Variants in PLXDC2 observed in about 807,000 individuals in gnomAD.
PLXDC2 encodes plexin domain containing 2, also known as plexin domain-containing protein 2.
In PLXDC2, 40 loss-of-function variants were observed where a neutral mutation model predicts 68.9. The observed-to-expected ratio is 0.58, with a 90% confidence interval of 0.45 to 0.76. PLXDC2 has a LOEUF of 0.76. Among genes scored for constraint, PLXDC2 ranks in the 30% least tolerant of loss-of-function variants. The pLI, the probability that PLXDC2 is intolerant of heterozygous loss-of-function variation, is 0.00. For missense variants in PLXDC2, 644 were observed against 661.9 expected (o/e 0.97, Z 0.30); for synonymous variants, 243 against 234.2 (o/e 1.04, Z -0.34).
rs747835988 is a variant in PLXDC2 at position 20,284,312 on chromosome 10, C to CATATATATATATATATATATAT, written c.*4512_*4513insTATATATATATATATATATATA. ...GTGAGACCCATCTCTATCAAATATA[C>CATATATATATATATATATATAT]ATATATATATATATATATACACACA... On this transcript the variant is annotated 3_prime_UTR_variant, in exon 14 of 14. Transcript: ENST00000377252. 3.9e-4 allele frequency: 49 copies of CATATATATATATATATATATAT among 125,302 alleles called. No individual in the cohort carries two copies. The highest frequency in any genetic ancestry group is 4.0e-3 in the Middle Eastern group (1 of 252). 7.8% of individuals were successfully genotyped at this position (125,302 alleles called of 1,614,324 possible). A position where few individuals can be genotyped will look rare whatever the true frequency, so the allele number is the denominator to read the frequency against.
chr10:20,025,285 C>CA (rs1191332075), intron 2 of PLXDC2, among the ~76,000 whole-genome samples: 1 of 145,860 alleles, frequency 6.9e-6, no homozygotes. Context: ...TTTTTTTTGA[C>CA]AGAGTTTTGC....
intron 12 of PLXDC2, among the ~76,000 whole-genome samples, chr10:20,235,113 C>A (rs1480014186): frequency 6.6e-6 from 1 of 152,158 alleles, no homozygotes; most frequent in Non-Finnish European, 1.5e-5. Context: ...GTCCAAGCTA[C>A]CGTTTGGGAC....
At chr10:20,017,909 G>A (rs1269172510) in intron 2 of PLXDC2, among the ~76,000 whole-genome samples, 1 of 152,216 alleles carries the variant, frequency 6.6e-6, no homozygotes, top group African/African-American at 2.4e-5. Flanking sequence ...TCTGGATGCA[G>A]GAGAATAGTG....
chr10:19,837,964 A>G (rs1836830596), intron 1 of PLXDC2, among the ~76,000 whole-genome samples: 2 of 152,180 alleles, frequency 1.3e-5, no homozygotes, highest in African/African-American at 4.8e-5. Context: ...AACAAGAAGG[A>G]AAAAATAGTT....
intron 4 of PLXDC2, among the ~76,000 whole-genome samples, chr10:20,140,555 T>A (rs762018773): frequency 8.6e-5 from 13 of 152,024 alleles, no homozygotes; most frequent in Non-Finnish European, 1.5e-4. Context: ...TTGCATTAAT[T>A]TGCATAACTC....
At chr10:20,181,730 G>T (rs1442709060) in intron 9 of PLXDC2, among the ~76,000 whole-genome samples, 4 of 152,038 alleles carry the variant, frequency 2.6e-5, no homozygotes, top group Non-Finnish European at 4.4e-5. Flanking sequence ...GATAAGCTCA[G>T]AAAGCTACCC....
chr10:19,873,638 T>C (rs932699919), intron 1 of PLXDC2, among the ~76,000 whole-genome samples: 10 of 152,176 alleles, frequency 6.6e-5, no homozygotes, highest in African/African-American at 1.4e-4. Flanking sequence ...CTTTGCACAT[T>C]GAACCAGAAG....
chr10:19,842,261 T>G (rs1167707793), intron 1 of PLXDC2, among the ~76,000 whole-genome samples: 2 of 152,118 alleles, frequency 1.3e-5, no homozygotes, highest in African/African-American at 2.4e-5. Flanking sequence ...AGATTTGGAG[T>G]AGGATACTGG....
At chr10:19,925,258 A>G (rs1833521696) in intron 1 of PLXDC2, among the ~76,000 whole-genome samples, 1 of 152,218 alleles carries the variant, frequency 6.6e-6, no homozygotes, top group Non-Finnish European at 1.5e-5. Flanking sequence ...GCCTCTGCAC[A>G]CCAGTGAATT....
At chr10:20,242,215 C>G (rs888341593) in intron 12 of PLXDC2, among the ~76,000 whole-genome samples, 3 of 152,046 alleles carry the variant, frequency 2.0e-5, no homozygotes, top group Admixed American at 2.0e-4. Flanking sequence ...ATAATATAAG[C>G]ATACATAAGA....
chr10:19,979,547 T>C (rs948540195), intron 1 of PLXDC2, among the ~76,000 whole-genome samples: 1 of 152,048 alleles, frequency 6.6e-6, no homozygotes, highest in Non-Finnish European at 1.5e-5. Flanking sequence ...TAATTTTGTA[T>C]TTTTAGCCAA....
chr10:19,898,755 G>A (rs1015875317), intron 1 of PLXDC2, among the ~76,000 whole-genome samples: 6 of 152,102 alleles, frequency 3.9e-5, no homozygotes, highest in African/African-American at 1.2e-4. Context: ...CTTGCCCATA[G>A]ACGTGTTTGA....
At chr10:19,828,902 G>A (rs1490344426) in intron 1 of PLXDC2, among the ~76,000 whole-genome samples, 1 of 152,048 alleles carries the variant, frequency 6.6e-6, no homozygotes, top group Non-Finnish European at 1.5e-5. Flanking sequence ...TACCTCCAAA[G>A]TTGCCCTGCT....
intron 9 of PLXDC2, among the ~76,000 whole-genome samples, chr10:20,206,215 C>T (rs780534693): frequency 6.6e-6 from 1 of 152,046 alleles, no homozygotes; most frequent in Non-Finnish European, 1.5e-5. Flanking sequence ...TAAGATCACA[C>T]ACCTTTTTTG....
chr10:20,185,160 GAAAAAAAA>G (rs11307851), intron 9 of PLXDC2, among the ~76,000 whole-genome samples: 5 of 55,992 alleles, frequency 8.9e-5, no homozygotes, highest in Admixed American at 2.5e-4. Flanking sequence ...GAACTGAAAG[GAAAAAAAA>G]AAAAAAAAAA....
chr10:19,979,310 A>C (rs1834509964), intron 1 of PLXDC2, among the ~76,000 whole-genome samples: 1 of 152,134 alleles, frequency 6.6e-6, no homozygotes, highest in South Asian at 2.1e-4. Context: ...AATAGTTTCA[A>C]AATAATCTGA....
intron 1 of PLXDC2, among the ~76,000 whole-genome samples, chr10:19,933,843 G>GAGGA (rs1429400956): frequency 8.3e-6 from 1 of 119,802 alleles, no homozygotes; most frequent in South Asian, 3.2e-4. Context: ...GGAAGGAGGG[G>GAGGA]AGGAAGGAAG....
intron 6 of PLXDC2, among the ~76,000 whole-genome samples, chr10:20,149,539 G>A (rs113310041): frequency 5.3e-5 from 8 of 151,874 alleles, no homozygotes; most frequent in African/African-American, 1.4e-4. Flanking sequence ...GCGCCCGGCC[G>A]ATAGTTATTT....
At chr10:20,089,954 A>G (rs988731922) in intron 4 of PLXDC2, among the ~76,000 whole-genome samples, 10 of 151,768 alleles carry the variant, frequency 6.6e-5, no homozygotes, top group African/African-American at 2.4e-4. Flanking sequence ...TTTTTTTCAG[A>G]TTAGAGGGAA....
Sources: allele counts gnomAD v4.1 joint callset (sites outside exome capture counted in the v4.1 genomes callset), GRCh38; gene constraint gnomAD v4.1.1; transcripts MANE v1.5; gene names NCBI Gene and HGNC (gene_info 2026-07-23, HGNC 2026-07-21).